ROBO1: variants seen among roughly 807,000 people sequenced by gnomAD.
The protein encoded by ROBO1 is roundabout homolog 1.
Under a neutral mutation model 195.9 loss-of-function variants are expected in ROBO1, and 149 were observed. That is an observed-to-expected ratio of 0.76 (90% confidence interval 0.67 to 0.87). The LOEUF (loss-of-function observed/expected upper bound fraction) is 0.87, where lower values mean the gene tolerates loss of function less well. Among genes scored for constraint, ROBO1 ranks in the 40% least tolerant of loss-of-function variants. ROBO1 has a pLI of 0.00. For synonymous variants in ROBO1, 816 were observed against 733.2 expected, an observed-to-expected ratio of 1.11 and a Z score of -1.82; for missense variants, 1,933 against 2,068.3, an observed-to-expected ratio of 0.93 and a Z score of 1.27.
chr3:79,542,416 A>G (rs1430212447), intron 2 of ROBO1, among the ~76,000 whole-genome samples: 1 of 152,072 alleles, frequency 6.6e-6, no homozygotes, highest in African/African-American at 2.4e-5. Context: ...CACTTTCTAA[A>G]TAAAGTTATT....
rs551039141 is a variant in ROBO1 at position 79,308,138 on chromosome 3, T to C, written c.89-182599A>G. Among the ~76,000 whole-genome samples the C allele has an allele frequency of 2.0e-5, 3 of 152,302 alleles. No individual in the cohort carries two copies. In the South Asian group the frequency reaches 6.2e-4, roughly 32 times the overall value. On this transcript the variant is annotated intron_variant, in intron 2 of 30. Transcript: ENST00000464233. ...TCCTTAAACATGTTACATTATTATA[T>C]TGTAGTACTTGTAAGGAGTTGTTTT...
At chr3:79,290,370 C>T (rs1248569236) in intron 2 of ROBO1, among the ~76,000 whole-genome samples, 4 of 151,988 alleles carry the variant, frequency 2.6e-5, no homozygotes, top group African/African-American at 9.7e-5. Flanking sequence ...CTCGTTTATG[C>T]TTGTGGTCTT....
intron 3 of ROBO1, among the ~76,000 whole-genome samples, chr3:79,007,129 T>C (rs1375493187): frequency 6.6e-6 from 1 of 150,848 alleles, no homozygotes; most frequent in Non-Finnish European, 1.5e-5. Context: ...ATAAGAAAAA[T>C]TTAAAAAAAA....
At chr3:79,463,767 A>T (rs923449997) in intron 2 of ROBO1, among the ~76,000 whole-genome samples, 1 of 152,204 alleles carries the variant, frequency 6.6e-6, no homozygotes, top group Admixed American at 6.5e-5. Flanking sequence ...TTTTACAACT[A>T]AAATGTTTTA....
At chr3:79,630,092 C>T (rs949276399) in intron 1 of ROBO1, among the ~76,000 whole-genome samples, 5 of 151,892 alleles carry the variant, frequency 3.3e-5, no homozygotes, top group African/African-American at 9.7e-5. Flanking sequence ...TAAAACTATT[C>T]TAAAAACAAA....
At chr3:78,783,590 T>C (rs1001447414) in intron 4 of ROBO1, among the ~76,000 whole-genome samples, 1 of 152,336 alleles carries the variant, frequency 6.6e-6, no homozygotes, top group East Asian at 1.9e-4. Flanking sequence ...ATAGGTTCTA[T>C]GGCATTTTGT....
intron 3 of ROBO1, among the ~76,000 whole-genome samples, chr3:79,062,858 A>T (rs1576630033): frequency 6.6e-6 from 1 of 151,988 alleles, no homozygotes; most frequent in Non-Finnish European, 1.5e-5. Flanking sequence ...AGGAGGGATA[A>T]CATTAGGAGA....
chr3:79,257,834 G>A (rs180683821), intron 2 of ROBO1, among the ~76,000 whole-genome samples: 1 of 152,160 alleles, frequency 6.6e-6, no homozygotes. Flanking sequence ...GATAATAAGA[G>A]TCACTCTCCT....
intron 3 of ROBO1, among the ~76,000 whole-genome samples, chr3:78,950,711 A>T (rs970852132): frequency 1.3e-5 from 2 of 151,696 alleles, no homozygotes; most frequent in Non-Finnish European, 2.9e-5. Context: ...ACAAAACATC[A>T]AGAAACAGTC....
chr3:79,089,165 A>G (rs963677775), intron 3 of ROBO1, among the ~76,000 whole-genome samples: 6 of 152,134 alleles, frequency 3.9e-5, no homozygotes, highest in African/African-American at 1.4e-4. Context: ...ATTTCCTTAT[A>G]CATTTTGAGA....
At chr3:78,721,570 C>T (rs1259890789) in intron 5 of ROBO1, among the ~76,000 whole-genome samples, 2 of 152,080 alleles carry the variant, frequency 1.3e-5, no homozygotes, top group Non-Finnish European at 2.9e-5. Context: ...TAAGAGGAAA[C>T]AAACACATAA....
At chr3:79,705,753 T>C (rs1947750889) in intron 1 of ROBO1, among the ~76,000 whole-genome samples, 1 of 152,134 alleles carries the variant, frequency 6.6e-6, no homozygotes, top group Non-Finnish European at 1.5e-5. Context: ...ACTGAATCTA[T>C]AGAACAAGTT....
intron 2 of ROBO1, among the ~76,000 whole-genome samples, chr3:79,249,031 T>C (rs2082674659): frequency 2.6e-5 from 4 of 152,224 alleles, no homozygotes; most frequent in African/African-American, 9.6e-5. Flanking sequence ...TCAAGTACTA[T>C]TAGAAATCTA....
chr3:79,079,831 G>A (rs1031361233), intron 3 of ROBO1, among the ~76,000 whole-genome samples: 1 of 151,718 alleles, frequency 6.6e-6, no homozygotes, highest in Non-Finnish European at 1.5e-5. Context: ...ATTTATAGAA[G>A]CGATAGTCCA....
chr3:79,287,221 A>G (rs1179021257), intron 2 of ROBO1, among the ~76,000 whole-genome samples: 1 of 152,132 alleles, frequency 6.6e-6, no homozygotes, highest in Non-Finnish European at 1.5e-5. Flanking sequence ...TTTTGGCTTC[A>G]TGTAGTTTTG....
chr3:78,988,160 TGAGTG>T (rs1217113451), intron 3 of ROBO1, among the ~76,000 whole-genome samples: 1 of 152,112 alleles, frequency 6.6e-6, no homozygotes, highest in Non-Finnish European at 1.5e-5. Flanking sequence ...CATTTTCACT[TGAGTG>T]GACTTTAAAA....
chr3:79,438,308 G>A (rs760425023), intron 2 of ROBO1, among the ~76,000 whole-genome samples: 2 of 151,860 alleles, frequency 1.3e-5, no homozygotes, highest in Non-Finnish European at 2.9e-5. Context: ...CAACCAAAAT[G>A]TCTACTCCAA....
intron 2 of ROBO1, among the ~76,000 whole-genome samples, chr3:79,178,978 C>T (rs1027147303): frequency 6.6e-6 from 1 of 152,124 alleles, no homozygotes; most frequent in Non-Finnish European, 1.5e-5. Context: ...GGCTGCCAAA[C>T]TTTACAAATT....
intron 3 of ROBO1, among the ~76,000 whole-genome samples, chr3:79,124,950 G>A (rs2080187309): frequency 6.6e-6 from 1 of 151,998 alleles, no homozygotes; most frequent in African/African-American, 2.4e-5. Context: ...AGTCGTTGGT[G>A]TATAAGGTAA....
Sources: allele counts gnomAD v4.1 joint callset (sites outside exome capture counted in the v4.1 genomes callset), GRCh38; gene constraint gnomAD v4.1.1; transcripts MANE v1.5; gene names NCBI Gene and HGNC (gene_info 2026-07-23, HGNC 2026-07-21).